IL1RAPL1: variants seen among roughly 807,000 people sequenced by gnomAD.
IL1RAPL1 encodes interleukin-1 receptor accessory protein-like 1.
IL1RAPL1 carries 3 observed loss-of-function variants against 48.4 expected under a neutral mutation model. That is an observed-to-expected ratio of 0.06 (90% confidence interval 0.03 to 0.16). The LOEUF (loss-of-function observed/expected upper bound fraction) is 0.16. IL1RAPL1 is among the 10% of genes least tolerant of loss of function. IL1RAPL1 has a pLI of 1.00. For synonymous variants in IL1RAPL1, 185 were observed against 187.7 expected (o/e 0.99, Z 0.12); for missense variants, 349 against 530.6 (o/e 0.66, Z 3.36).
intron 2 of IL1RAPL1, among the ~76,000 whole-genome samples, chrX:29,154,134 A>G (rs1602084715): frequency 8.9e-6 from 1 of 111,954 alleles, no homozygotes; most frequent in Middle Eastern, 4.6e-3. Flanking sequence ...TGTGTTTCCT[A>G]GAGTGGCCAC....
chrX:29,424,404 G>GAGTATAGT (rs1934326278), intron 5 of IL1RAPL1, among the ~76,000 whole-genome samples: 7 of 110,949 alleles, frequency 6.3e-5, no homozygotes, highest in Non-Finnish European at 1.1e-4. Flanking sequence ...TAATCCTAAA[G>GAGTATAGT]CCAGTATAGT....
intron 6 of IL1RAPL1, among the ~76,000 whole-genome samples, chrX:29,897,002 A>AGTT (rs200955314): frequency 0.078 from 8,733 of 112,519 alleles, 315 homozygotes; most frequent in Admixed American, 0.18. Flanking sequence ...TGACCTAGCA[A>AGTT]GTTGGCACAT....
At chrX:28,916,985 TCA>T (rs1235650349) in intron 2 of IL1RAPL1, among the ~76,000 whole-genome samples, 1 of 112,290 alleles carries the variant, frequency 8.9e-6, no homozygotes, top group African/African-American at 3.2e-5. Context: ...ATCCTCTGAA[TCA>T]CAGAGTATAA....
chrX:29,883,972 G>T (rs1460214147), intron 6 of IL1RAPL1, among the ~76,000 whole-genome samples: 1 of 111,960 alleles, frequency 8.9e-6, no homozygotes, highest in African/African-American at 3.2e-5. Context: ...TGGCTCACAG[G>T]GTTGAGAGCT....
intron 8 of IL1RAPL1, among the ~76,000 whole-genome samples, chrX:29,927,839 T>G (rs1235704880): frequency 2.1e-5 from 2 of 97,487 alleles, no homozygotes; most frequent in East Asian, 6.3e-4. Context: ...GGAAATGGTA[T>G]GGAAATTGAA....
intron 2 of IL1RAPL1, among the ~76,000 whole-genome samples, chrX:29,209,884 C>T (rs1209485105): frequency 4.5e-5 from 5 of 112,149 alleles, no homozygotes; most frequent in Non-Finnish European, 3.8e-5. Flanking sequence ...CCTATGTCAC[C>T]ATATACATGT....
intron 2 of IL1RAPL1, among the ~76,000 whole-genome samples, chrX:29,127,962 TAA>T (rs386416814): frequency 4.3e-5 from 4 of 93,287 alleles, no homozygotes; most frequent in African/African-American, 3.9e-5. Context: ...AGACTCGATC[TAA>T]AAAAAAAAAA....
chrX:29,487,420 A>C (rs1281622018), intron 5 of IL1RAPL1, among the ~76,000 whole-genome samples: 1 of 111,717 alleles, frequency 9.0e-6, no homozygotes. Context: ...AGATTAAATG[A>C]ATCAGTCAAT....
At chrX:28,973,103 A>C (rs1045318844) in intron 2 of IL1RAPL1, among the ~76,000 whole-genome samples, 1 of 111,796 alleles carries the variant, frequency 8.9e-6, no homozygotes, top group African/African-American at 3.3e-5. Context: ...CCCCTTACCC[A>C]TGCAATATTT....
At chrX:29,707,940 T>TAATAA (rs200789169) in intron 6 of IL1RAPL1, among the ~76,000 whole-genome samples, 4,505 of 107,864 alleles carry the variant, frequency 0.042, 206 homozygotes, top group East Asian at 0.25. Flanking sequence ...CCTATTGAAA[T>TAATAA]AATAAAATAA....
intron 2 of IL1RAPL1, among the ~76,000 whole-genome samples, chrX:28,936,383 G>A (rs781128783): frequency 9.1e-6 from 1 of 110,169 alleles, no homozygotes; most frequent in South Asian, 3.9e-4. Context: ...GGTGGCACGT[G>A]CCTGTAGTTG....
intron 2 of IL1RAPL1, among the ~76,000 whole-genome samples, chrX:29,157,285 T>G (rs1340158301): frequency 1.8e-5 from 2 of 111,587 alleles, no homozygotes; most frequent in African/African-American, 3.3e-5. Flanking sequence ...AGAAGACAAT[T>G]CATTTGGAAG....
At chrX:29,687,561 T>A (rs1926658244) in intron 6 of IL1RAPL1, among the ~76,000 whole-genome samples, 1 of 111,501 alleles carries the variant, frequency 9.0e-6, no homozygotes, top group Non-Finnish European at 1.9e-5. Context: ...TATAGTTAGA[T>A]TGAAGGAATA....
chrX:28,698,077 T>A (rs1935255028), intron 1 of IL1RAPL1, among the ~76,000 whole-genome samples: 1 of 111,457 alleles, frequency 9.0e-6, no homozygotes, highest in Non-Finnish European at 1.9e-5. Flanking sequence ...CAAAAGCTCA[T>A]AGCTGAGAGA....
chrX:28,634,345 G>GTGTGTA (rs1400852332), intron 1 of IL1RAPL1, among the ~76,000 whole-genome samples: 1 of 108,178 alleles, frequency 9.2e-6, no homozygotes, highest in African/African-American at 3.4e-5. Context: ...GTGTGTGTGT[G>GTGTGTA]TATATGTATA....
intron 5 of IL1RAPL1, among the ~76,000 whole-genome samples, chrX:29,448,368 A>G (rs1836370311): frequency 8.9e-6 from 1 of 112,034 alleles, no homozygotes; most frequent in Non-Finnish European, 1.9e-5. Context: ...CTAGGCAAAC[A>G]TATTTCTCAA....
intron 8 of IL1RAPL1, among the ~76,000 whole-genome samples, chrX:29,927,078 G>C (rs985476419): frequency 4.5e-5 from 5 of 111,955 alleles, no homozygotes; most frequent in Admixed American, 9.5e-5. Context: ...AAAGCCCCTA[G>C]ACCAGTGCTT....
intron 1 of IL1RAPL1, among the ~76,000 whole-genome samples, chrX:28,760,059 T>G (rs1936151045): frequency 8.9e-6 from 1 of 111,991 alleles, no homozygotes; most frequent in African/African-American, 3.2e-5. Flanking sequence ...TTTTAAATAC[T>G]TCGTTCCCTT....
In IL1RAPL1 at chrX:29,688,816, CT is replaced by C. The variant is rs58920253; in HGVS notation, c.778+20324del. Among the ~76,000 whole-genome samples, 72 of 95,078 alleles carry C rather than the reference CT, an allele frequency of 7.6e-4. No individual in the cohort carries two copies. The South Asian group carries it at 0.011, about 14-fold the overall frequency. 82.6% of individuals were successfully genotyped at this position (95,078 alleles called of 115,157 possible). On this transcript the variant is annotated intron_variant, in intron 6 of 10. Transcript: ENST00000378993. ...GTTCATGTGTGTTGTGCTTTGTGGT[CT>C]TTTTTTTTTTTCACTTGAAGAGTAT...
Sources: allele counts gnomAD v4.1 joint callset (sites outside exome capture counted in the v4.1 genomes callset), GRCh38; gene constraint gnomAD v4.1.1; transcripts MANE v1.5; gene names NCBI Gene and HGNC (gene_info 2026-07-23, HGNC 2026-07-21).